ARAP2: variants seen among roughly 807,000 people sequenced by gnomAD.
ARAP2 encodes ArfGAP with RhoGAP domain, ankyrin repeat and PH domain 2.
A neutral mutation model predicts 194.5 loss-of-function variants in ARAP2; 148 were observed. The observed-to-expected ratio is 0.76, with a 90% CI of 0.67 to 0.87. The LOEUF (loss-of-function observed/expected upper bound fraction) is 0.87. Among genes scored for constraint, ARAP2 ranks in the 40% least tolerant of loss-of-function variants. The pLI is 0.00. For missense variants in ARAP2, 2,128 were observed against 1,989.7 expected, an observed-to-expected ratio of 1.07 and a Z score of -1.32; for synonymous variants, 695 against 683.5, an observed-to-expected ratio of 1.02 and a Z score of -0.26.
intron 27 of ARAP2, among the ~76,000 whole-genome samples, chr4:36,102,644 A>G (rs889387629): frequency 1.3e-4 from 20 of 152,110 alleles, no homozygotes; most frequent in Admixed American, 1.0e-3. Context: ...TGTGATTGAA[A>G]GCTCTTCATA....
At chr4:36,167,672 A>T (rs1413796485) in intron 9 of ARAP2, among the ~76,000 whole-genome samples, 1 of 152,112 alleles carries the variant, frequency 6.6e-6, no homozygotes, top group Non-Finnish European at 1.5e-5. Context: ...TATTGCTTTC[A>T]TCTCCCTTCA....
chr4:36,196,255 G>A (rs931140350), intron 6 of ARAP2, among the ~76,000 whole-genome samples: 3 of 152,200 alleles, frequency 2.0e-5, no homozygotes, highest in Non-Finnish European at 4.4e-5. Flanking sequence ...GACAGTTTGT[G>A]TCTGAGGCAT....
At position 36,234,277 on chromosome 4, in the gene ARAP2, A is replaced by G. The variant is rs527915984; in HGVS notation, c.-159-4632T>C. On this transcript the variant is annotated intron_variant, in intron 1 of 32. Coordinates refer to ENST00000303965, the MANE Select transcript of ARAP2 (RefSeq NM_015230.4). ...CAAGGTCAAGGCGCCTGCAGACATC[A>G]TAGATAATGCCTTCTATGTGTCCTC... is the stretch of plus-strand genomic sequence containing the variant. Among the ~76,000 whole-genome samples the G allele has an allele frequency of 1.1e-4, 16 of 152,340 alleles. No homozygotes were observed. In the South Asian group the frequency reaches 3.1e-3, roughly 30 times the overall value.
chr4:36,014,359 AAAG>A (rs1715368370), intron 8 of ARAP2, among the ~76,000 whole-genome samples: 1 of 141,060 alleles, frequency 7.1e-6, no homozygotes, highest in Non-Finnish European at 1.5e-5. Flanking sequence ...AGAAAGAAAG[AAAG>A]AAAGAAAGAA....
Position 36,066,754 on chromosome 4 carries a change from T to C in ARAP2, c.*1153A>G, listed in dbSNP as rs1725554263. 1 of 152,066 alleles carries C rather than the reference T, an allele frequency of 6.6e-6. No homozygotes were observed. The highest frequency in any genetic ancestry group is 2.4e-5 in the African/African-American group (1 of 41,484). The allele number at this position is 152,066 out of a possible 1,614,324, so 9.4% of individuals were successfully genotyped here. A position where few individuals can be genotyped will look rare whatever the true frequency, so the allele number is the denominator to read the frequency against. ...GGAAACAAAAATAGGGCTTTGTCCTTATTCATAAGTACAGGGAAGAGACCA... is the reference window on the plus strand; with the variant it reads ...GGAAACAAAAATAGGGCTTTGTCCTCATTCATAAGTACAGGGAAGAGACCA... On this transcript the variant is annotated 3_prime_UTR_variant, in exon 33 of 33. Coordinates refer to ENST00000303965, the MANE Select transcript of ARAP2 (RefSeq NM_015230.4).
At chr4:36,152,188 G>A (rs868728344) in intron 15 of ARAP2, among the ~76,000 whole-genome samples, 3 of 152,052 alleles carry the variant, frequency 2.0e-5, no homozygotes, top group East Asian at 1.9e-4. Context: ...ATCATAACTG[G>A]CAGAAGCAAA....
At chr4:36,166,540 T>C (rs568624687) in intron 10 of ARAP2, among the ~76,000 whole-genome samples, 1 of 152,126 alleles carries the variant, frequency 6.6e-6, no homozygotes, top group East Asian at 1.9e-4. Flanking sequence ...GAATTGATTT[T>C]AAATGAGGGA....
Position 36,212,406 on chromosome 4 carries a change from T to C in ARAP2, c.1123A>G (p.Ile375Val). Reference protein sequence around the residue: ...EAATATNSFIIKSSIYDNRKE... With the variant: ...EAATATNSFIVKSSIYDNRKE... ...ATCATGATCTCATACCTTGATTTGA[T>C]GATAAAAGAGTTTGTTGCAGTAGCT... The change falls in exon 5 of 33, where the codon ATC becomes GTC. Residue 375 changes from isoleucine to valine, a missense_variant. Transcript: ENST00000303965. The C allele has an allele frequency of 1.2e-6, 2 of 1,610,730 alleles. No homozygotes were observed. Among genetic ancestry groups the C allele is most frequent in the South Asian group, 2.2e-5 (2 of 90,868 alleles).
chr4:36,007,494 G>A (rs1033945327), intron 9 of ARAP2, among the ~76,000 whole-genome samples: 9 of 152,274 alleles, frequency 5.9e-5, no homozygotes, highest in South Asian at 2.1e-4. Context: ...ACCAGAAATT[G>A]GAAGAGGCAA....
chr4:36,077,536 C>T (rs771844240), intron 31 of ARAP2, among the ~76,000 whole-genome samples: 3 of 152,040 alleles, frequency 2.0e-5, no homozygotes, highest in Non-Finnish European at 2.9e-5. Context: ...AACGTAGTCA[C>T]TTCGCAATAA....
intron 6 of ARAP2, among the ~76,000 whole-genome samples, chr4:36,198,030 G>A (rs1336898814): frequency 2.6e-5 from 4 of 152,192 alleles, no homozygotes; most frequent in Non-Finnish European, 4.4e-5. Context: ...TTTCAGCCCC[G>A]ACATCTCCCA....
At chr4:36,140,136 C>T (rs1230982019) in intron 19 of ARAP2, among the ~76,000 whole-genome samples, 2 of 62,454 alleles carry the variant, frequency 3.2e-5, no homozygotes, top group Non-Finnish European at 7.4e-5. Context: ...AAAACAAAAA[C>T]AATACACACA....
intron 11 of ARAP2, among the ~76,000 whole-genome samples, chr4:36,163,081 A>G (rs1172635287): frequency 6.6e-6 from 1 of 152,228 alleles, no homozygotes; most frequent in East Asian, 1.9e-4. Context: ...TAGTAGGCAT[A>G]TAATCATAAG....
chr4:36,055,947 A>G (rs954453369), intron 2 of ARAP2, among the ~76,000 whole-genome samples: 4 of 152,250 alleles, frequency 2.6e-5, no homozygotes, highest in Middle Eastern at 6.3e-3. Flanking sequence ...TAATACATAC[A>G]TGATAGCACA....
At chr4:36,051,188 G>A (rs1392836221) in intron 3 of ARAP2, among the ~76,000 whole-genome samples, 1 of 152,116 alleles carries the variant, frequency 6.6e-6, no homozygotes, top group East Asian at 1.9e-4. Flanking sequence ...AGATAACCTT[G>A]AGAACATCAT....
At position 36,160,505 on chromosome 4, in the gene ARAP2, A is replaced by C; in HGVS notation, c.2396T>G (p.Phe799Cys). The C allele has an allele frequency of 6.4e-7, 1 of 1,571,310 alleles. No homozygotes were observed. The highest frequency in any genetic ancestry group is 8.6e-7 in the Non-Finnish European group (1 of 1,164,394). ...FITQKYKEGK[F>C]RKTLLASLTK... ...GAGAGATGCCAAAAGAGTTTTTCTG[A>C]ATTTTCCTTCTTTATATTTCTGAGT... The change falls in exon 13 of 33, where the codon TTC becomes TGC. Residue 799 changes from phenylalanine (F) to cysteine (C), a missense_variant. Physicochemically the swap from Phe to Cys is radical, Grantham distance 205. Coordinates refer to ENST00000303965, the MANE Select transcript of ARAP2 (RefSeq NM_015230.4).
chr4:36,171,968 G>A (rs1299463270), intron 9 of ARAP2, among the ~76,000 whole-genome samples: 2 of 152,120 alleles, frequency 1.3e-5, no homozygotes, highest in African/African-American at 4.8e-5. Flanking sequence ...AAATAGGCAT[G>A]AGCCAGGGAT....
chr4:36,058,298 C>T (rs190981317), intron 1 of ARAP2, among the ~76,000 whole-genome samples: 1 of 152,212 alleles, frequency 6.6e-6, no homozygotes. Flanking sequence ...GGAAAACTAG[C>T]TATAGTTAGT....
chr4:36,214,947 C>T lies in ARAP2; in HGVS notation c.906-467G>A, dbSNP rs1218279799. Among the ~76,000 whole-genome samples, 4 of 151,992 alleles carry T rather than the reference C, an allele frequency of 2.6e-5. No individual in the cohort carries two copies. In the South Asian group the frequency reaches 8.3e-4, roughly 32 times the overall value. ...AAAAATGTGTCTGGCTCTGTAGACACAATATGAAAATACACACAAGATCTT... is the reference window on the plus strand; with the variant it reads ...AAAAATGTGTCTGGCTCTGTAGACATAATATGAAAATACACACAAGATCTT... On this transcript the variant is annotated intron_variant, in intron 2 of 32. Transcript: ENST00000303965.
Sources: gnomAD v4.1 joint callset for allele counts (sites outside exome capture counted in the v4.1 genomes callset) on GRCh38, gnomAD v4.1.1 for gene constraint, MANE v1.5 for transcripts, NCBI Gene and HGNC (gene_info 2026-07-23, HGNC 2026-07-21) for gene names.